The following FBXW4 variants were observed in gnomAD, a reference collection of about 807,000 sequenced individuals.
FBXW4 encodes the protein F-box/WD repeat-containing protein 4.
In FBXW4, 40 loss-of-function variants were observed where a neutral mutation model predicts 61.8. The observed-to-expected ratio is 0.65, with a 90% CI of 0.50 to 0.84. The LOEUF (loss-of-function observed/expected upper bound fraction) is 0.84. FBXW4 is among the 40% of genes least tolerant of loss of function. The probability of loss-of-function intolerance (pLI) is 0.00; values close to 1 mark genes in which losing one functional copy is unlikely to be tolerated. For synonymous variants in FBXW4, 311 were observed against 313.8 expected (o/e 0.99, Z 0.10); for missense variants, 672 against 753.8 (o/e 0.89, Z 1.27).
At chr10:101,683,018 G>T (rs1040745709) in intron 1 of FBXW4, among the ~76,000 whole-genome samples, 1 of 152,124 alleles carries the variant, frequency 6.6e-6, no homozygotes, top group East Asian at 1.9e-4. Flanking sequence ...AAAATCCAAA[G>T]AAATTTTTAA....
chr10:101,691,921 A>G (rs761825104), intron 1 of FBXW4, among the ~76,000 whole-genome samples: 4 of 152,222 alleles, frequency 2.6e-5, no homozygotes, highest in Non-Finnish European at 5.9e-5. Flanking sequence ...GAGTAGAGTA[A>G]TCTTCTACAT....
chr10:101,672,862 C>T lies in FBXW4; in HGVS notation c.1140+53G>A, dbSNP rs61748908. Reference sequence around the variant, plus strand: ...CCTGAGACTCAGGGATCTATCCACCCCCTCCCTATAGACAGGAGGGAGTAA... The same window carrying T: ...CCTGAGACTCAGGGATCTATCCACCTCCTCCCTATAGACAGGAGGGAGTAA... On this transcript the variant is annotated intron_variant, in intron 4 of 8. Coordinates refer to ENST00000331272, the MANE Select transcript of FBXW4 (RefSeq NM_022039.4). 1.8e-4 allele frequency: 281 copies of T among 1,592,012 alleles called. 1 individual carries two copies. The African/African-American group carries it at 3.6e-3, about 20-fold the overall frequency.
intron 5 of FBXW4, among the ~76,000 whole-genome samples, chr10:101,630,479 G>A (rs1012076322): frequency 5.3e-5 from 8 of 152,332 alleles, no homozygotes; most frequent in African/African-American, 1.7e-4. Context: ...GCCAGCAAGG[G>A]TAGGAAGGAG....
At chr10:101,642,401 T>TA (rs1032354826) in intron 5 of FBXW4, among the ~76,000 whole-genome samples, 21 of 144,490 alleles carry the variant, frequency 1.5e-4, no homozygotes, top group African/African-American at 2.0e-4. Context: ...TTTTTTTAAT[T>TA]AAAAAAAAAA....
intron 5 of FBXW4, among the ~76,000 whole-genome samples, chr10:101,635,895 G>A (rs1323866821): frequency 6.6e-6 from 1 of 151,666 alleles, no homozygotes; most frequent in East Asian, 1.9e-4. Flanking sequence ...TCCTGCCTTG[G>A]AGCCCACTTC....
chr10:101,632,493 A>G (rs2063967217), intron 5 of FBXW4, among the ~76,000 whole-genome samples: 1 of 152,202 alleles, frequency 6.6e-6, no homozygotes. Context: ...AGGATAGGAG[A>G]GCCTAGCCCA....
intron 5 of FBXW4, among the ~76,000 whole-genome samples, chr10:101,644,835 C>T (rs1453837922): frequency 4.6e-5 from 7 of 152,218 alleles, no homozygotes; most frequent in Non-Finnish European, 1.0e-4. Flanking sequence ...GCCCTCCAGT[C>T]ATGCCAACAA....
At chr10:101,627,406 A>G (rs1200807777) in intron 5 of FBXW4, among the ~76,000 whole-genome samples, 1 of 152,048 alleles carries the variant, frequency 6.6e-6, no homozygotes, top group Non-Finnish European at 1.5e-5. Context: ...TTGAGCAAAC[A>G]CTCACCAGGA....
chr10:101,651,111 C>G (rs1283015930), intron 5 of FBXW4, among the ~76,000 whole-genome samples: 1 of 152,150 alleles, frequency 6.6e-6, no homozygotes, highest in African/African-American at 2.4e-5. Flanking sequence ...CAGGAGCACA[C>G]CAGTCTCTGA....
chr10:101,678,488 C>T (rs1344726154), intron 1 of FBXW4, among the ~76,000 whole-genome samples: 2 of 152,184 alleles, frequency 1.3e-5, no homozygotes, highest in African/African-American at 2.4e-5. Context: ...TGCAGTGGCA[C>T]GATCTCGGCT....
chr10:101,673,504 T>C lies in FBXW4; in HGVS notation c.991A>G (p.Ile331Val), dbSNP rs765396299. The C allele has an allele frequency of 4.3e-6, 7 of 1,613,762 alleles. No individual in the cohort carries two copies. The highest frequency in any genetic ancestry group is 5.9e-6 in the Non-Finnish European group (7 of 1,179,858). Residue 331 changes from isoleucine to valine, a missense_variant, in exon 3 of 9, where the codon ATT becomes GTT. Physicochemically the swap from Ile to Val is conservative, Grantham distance 29. Around this residue, in one of 5 missense-constraint regions of FBXW4, gnomAD observed 312 missense variants for 370.1 expected, o/e 0.84. Coordinates refer to ENST00000331272, the MANE Select transcript of FBXW4 (RefSeq NM_022039.4). The stretch of plus-strand genomic sequence containing the variant: ...AGCACTTACCCTCCTGCACTAACAA[T>C]ATGCGAGTTGGCCAGCACAAAGTGG... ...VCHFVLANSH[I>V]VSAGGDGKIG...
intron 4 of FBXW4, among the ~76,000 whole-genome samples, chr10:101,669,622 A>G (rs577286664): frequency 6.6e-6 from 1 of 152,292 alleles, no homozygotes; most frequent in African/African-American, 2.4e-5. Context: ...CCAGCAGCAC[A>G]TCACCCTCCA....
At position 101,676,358 on chromosome 10, in the gene FBXW4, C is replaced by G. The variant is rs1468270224; in HGVS notation, c.804G>C (p.Leu268=). 2 of 1,613,420 alleles carry G rather than the reference C, an allele frequency of 1.2e-6. No homozygotes were observed. Among genetic ancestry groups the G allele is most frequent in the African/African-American group, 1.3e-5 (1 of 74,892 alleles). ...WRLGRCREGI[L]LKWRCSQMPW... ...CTACTTGCCTGCATCTCCACTTCAG[C>G]AGAATCCCCTCTCGGCAGCGCCCCA... is the stretch of plus-strand genomic sequence containing the variant. The change falls in exon 2 of 9, where the codon CTG becomes CTC. Residue 268 remains leucine, a synonymous_variant. Coordinates refer to ENST00000331272, the MANE Select transcript of FBXW4 (RefSeq NM_022039.4).
chr10:101,641,228 G>A (rs2064050304), intron 5 of FBXW4, among the ~76,000 whole-genome samples: 1 of 152,066 alleles, frequency 6.6e-6, no homozygotes, highest in Non-Finnish European at 1.5e-5. Context: ...TTAAAAGCAT[G>A]CACAATTGGA....
intron 1 of FBXW4, among the ~76,000 whole-genome samples, chr10:101,692,600 A>G (rs978351563): frequency 1.3e-5 from 2 of 151,952 alleles, no homozygotes; most frequent in Admixed American, 6.6e-5. Context: ...TACCAAAAAT[A>G]CAAAATTAGC....
chr10:101,629,573 C>T (rs929096177), intron 5 of FBXW4, among the ~76,000 whole-genome samples: 29 of 151,988 alleles, frequency 1.9e-4, no homozygotes, highest in African/African-American at 5.6e-4. Flanking sequence ...CATGAGCCAC[C>T]GCACCCAGCC....
At chr10:101,674,243 C>T (rs904423607) in intron 2 of FBXW4, among the ~76,000 whole-genome samples, 1 of 151,538 alleles carries the variant, frequency 6.6e-6, no homozygotes, top group African/African-American at 2.4e-5. Flanking sequence ...GCAGGAGAAT[C>T]GCTTGAACCT....
chr10:101,657,880 T>C (rs1246011932), intron 5 of FBXW4, among the ~76,000 whole-genome samples: 1 of 152,340 alleles, frequency 6.6e-6, no homozygotes, highest in East Asian at 1.9e-4. Flanking sequence ...ACAACCTTTA[T>C]GATTCATAGG....
rs1027236344 is a variant in FBXW4, at chr10:101,694,259, G to A, written c.725+122C>T. The A allele has an allele frequency of 6.4e-6, 6 of 941,752 alleles. No individual in the cohort carries two copies. The highest frequency in any genetic ancestry group is 5.2e-5 in the African/African-American group (3 of 57,594). The allele number at this position is 941,752 out of a possible 1,614,324, so 58.3% of individuals were successfully genotyped here. ...GGGAAAGGGTGTAGGCGGAGGTCAGGTGTAGGCCTAGAAACTCGGGGTGCG... is the reference window on the plus strand; with the variant it reads ...GGGAAAGGGTGTAGGCGGAGGTCAGATGTAGGCCTAGAAACTCGGGGTGCG... On this transcript the variant is annotated intron_variant, in intron 1 of 8. Transcript: ENST00000331272. The surrounding 1 kb of genome is among the most constrained non-coding windows in gnomAD (Gnocchi z 6.0).
Sources: gnomAD v4.1 joint callset for allele counts (sites outside exome capture counted in the v4.1 genomes callset) on GRCh38, gnomAD v4.1.1 for gene constraint, gnomAD v4.1.1 regional missense constraint, Gnocchi (gnomAD v3.1) non-coding constraint, MANE v1.5 for transcripts, NCBI Gene and HGNC (gene_info 2026-07-23, HGNC 2026-07-21) for gene names.